GOLGA2: variants seen among roughly 807,000 people sequenced by gnomAD.
GOLGA2 encodes the protein golgin subfamily A member 2.
A neutral mutation model predicts 148.8 loss-of-function variants in GOLGA2; 49 were observed. That is an observed-to-expected ratio of 0.33 (90% CI 0.26 to 0.42). GOLGA2 has a LOEUF of 0.42. GOLGA2 is among the 10% of genes least tolerant of loss of function. The pLI is 1.00. For synonymous variants in GOLGA2, 501 were observed against 511.8 expected (o/e 0.98, Z 0.28); for missense variants, 1,178 against 1,304.6 (o/e 0.90, Z 1.49).
rs777455188 is a variant in GOLGA2 at position 128,258,038 on chromosome 9, C to A, written c.2450G>T (p.Gly817Val). Residue 817 changes from glycine (G) to valine (V), a missense_variant, in exon 23 of 27, where the codon GGT (glycine) becomes GTT (valine). Around this residue, in one of 5 missense-constraint regions of GOLGA2, gnomAD observed 529 missense variants for 521.8 expected, o/e 1.01. Transcript: ENST00000611957. This position sits in a 1 kb window ranked among gnomAD's most constrained non-coding sequence, Gnocchi z 6.6. ...EAAAPAPGTG[G>V]DSVCGETHRA... ...GTGGGTCTCCCCACACACAGAATCA[C>A]CCCCGGTCCCTGGGGCTGGGGCTGC... 6.2e-7 allele frequency: 1 copy of A among 1,611,870 alleles called. No individual in the cohort carries two copies. Among genetic ancestry groups the A allele is most frequent in the Non-Finnish European group, 8.5e-7 (1 of 1,179,524 alleles).
At position 128,261,684 on chromosome 9, in the gene GOLGA2, T is replaced by C. The variant is rs752082833; in HGVS notation, c.1208A>G (p.Glu403Gly). ...AAGCCTCACCTGCCCCAGGTGTGCT[T>C]CCAGCTGTGCCCGCTCCTCCATGGC... The part of the protein sequence containing the change: ...QQAMEERAQL[E>G]AHLGQVMESV... Residue 403 changes from glutamate to glycine, a missense_variant, in exon 15 of 27, where the codon GAA (glutamate) becomes GGA (glycine). By Grantham distance (98) the Glu-to-Gly change is moderately conservative (BLOSUM62 -2). Around this residue, in one of 5 missense-constraint regions of GOLGA2, gnomAD observed 304 missense variants for 404.1 expected, o/e 0.75. Coordinates refer to ENST00000611957, the MANE Select transcript of GOLGA2 (RefSeq NM_001366244.2). The surrounding 1 kb of genome is among the most constrained non-coding windows in gnomAD (Gnocchi z 5.7). 3.4e-5 allele frequency: 54 copies of C among 1,611,488 alleles called. 3 individuals carry two copies. The Admixed American group carries it at 8.8e-4, about 26-fold the overall frequency.
chr9:128,264,121 T>C lies in GOLGA2; in HGVS notation c.934-1029A>G, dbSNP rs373965491. Reference sequence around the variant, plus strand: ...CAGAGCTTGCAGTGAGCCGAGATGGTGCCACTGCACTCCAGCCTGGGCAAC... The same window carrying C: ...CAGAGCTTGCAGTGAGCCGAGATGGCGCCACTGCACTCCAGCCTGGGCAAC... On this transcript the variant is annotated intron_variant, in intron 12 of 26. Transcript: ENST00000611957. 1.3e-4 allele frequency among the ~76,000 whole-genome samples: 19 copies of C among 149,600 alleles called. No homozygotes were observed. The South Asian group carries it at 3.7e-3, about 29-fold the overall frequency.
intron 10 of GOLGA2, 28 bp downstream of exon 10, chr9:128,265,942 A>C (rs565550985): frequency 3.5e-5 from 57 of 1,608,402 alleles, no homozygotes; most frequent in Middle Eastern, 3.3e-4. Flanking sequence ...TCCAGAGGAC[A>C]GGACGGAACT....
At position 128,267,822 on chromosome 9, in the gene GOLGA2, C is replaced by A. The variant is rs1312189946; in HGVS notation, c.501+112G>T. ...GAAAAGGCGACTTCCTTAACATTGC[C>A]CAGCACATTGGCTGGTCCCAGGATC... On this transcript the variant is annotated intron_variant, in intron 6 of 26. Coordinates refer to ENST00000611957, the MANE Select transcript of GOLGA2 (RefSeq NM_001366244.2). 5.7e-6 allele frequency: 5 copies of A among 877,900 alleles called. No homozygotes were observed. The Admixed American group carries it at 7.9e-5, about 14-fold the overall frequency. The allele number at this position is 877,900 out of a possible 1,614,324, so 54.4% of individuals were successfully genotyped here. A position where few individuals can be genotyped will look rare whatever the true frequency, so the allele number is the denominator to read the frequency against.
rs1830261197 is a variant in GOLGA2 at position 128,261,322 on chromosome 9, T to G, written c.1333-63A>C. 2 of 1,377,556 alleles carry G rather than the reference T, an allele frequency of 1.5e-6. No homozygotes were observed. The highest frequency in any genetic ancestry group is 2.1e-6 in the Non-Finnish European group (2 of 965,416). The allele number at this position is 1,377,556 out of a possible 1,614,324, so 85.3% of individuals were successfully genotyped here. ...GCTGGTGGCTGGACAGGCTACCATC[T>G]CCCTCTGCCCCCACCGCCACAAAGC... On this transcript the variant is annotated intron_variant, in intron 16 of 26. Coordinates refer to ENST00000611957, the MANE Select transcript of GOLGA2 (RefSeq NM_001366244.2). The surrounding 1 kb of genome is among the most constrained non-coding windows in gnomAD (Gnocchi z 5.7).
chr9:128,270,221 C>T (rs1185524657), intron 3 of GOLGA2, among the ~76,000 whole-genome samples: 1 of 151,250 alleles, frequency 6.6e-6, no homozygotes, highest in Non-Finnish European at 1.5e-5. Context: ...GCAACCTCCG[C>T]CTCCTGAGTT....
chr9:128,258,540 T>TCCC lies in GOLGA2; in HGVS notation c.2203_2204insGGG (p.Glu734_Asp735insGly). ...CGCCTCCTCCTCCTCCTCCTCCTCA[T>TCCC]CCTCCTCCTCCTCCCGGTCCAGTCC... On this transcript the variant is annotated inframe_insertion, in exon 22 of 27. Transcript: ENST00000611957. The surrounding 1 kb of genome is among the most constrained non-coding windows in gnomAD (Gnocchi z 6.6). 1 of 1,525,394 alleles carries TCCC rather than the reference T, an allele frequency of 6.6e-7. No individual in the cohort carries two copies. Among genetic ancestry groups the TCCC allele is most frequent in the Non-Finnish European group, 8.8e-7 (1 of 1,131,070 alleles). 94.5% of individuals were successfully genotyped at this position (1,525,394 alleles called of 1,614,324 possible). A position where few individuals can be genotyped will look rare whatever the true frequency, so the allele number is the denominator to read the frequency against.
chr9:128,262,789 A>G (rs1326552053), intron 13 of GOLGA2, 85 bp from the exon 14 acceptor site: 6 of 1,300,302 alleles, frequency 4.6e-6, no homozygotes, highest in African/African-American at 2.9e-5. Flanking sequence ...TTGCCCCACA[A>G]CCACAGAACT....
At chr9:128,268,325 G>A in intron 4 of GOLGA2, 95 bp downstream of exon 4, 1 of 1,018,012 alleles carries the variant, frequency 9.8e-7, no homozygotes, top group Non-Finnish European at 1.6e-6. Context: ...CCCAGGAAGG[G>A]CCCTTGACCC....
intron 1 of GOLGA2, chr9:128,275,317 C>T: frequency 1.0e-6 from 1 of 962,660 alleles, no homozygotes; most frequent in Non-Finnish European, 1.4e-6. Flanking sequence ...TGGTCTCGCG[C>T]AACTAATTAC....
intron 12 of GOLGA2, among the ~76,000 whole-genome samples, chr9:128,263,873 G>A (rs988022547): frequency 1.3e-5 from 2 of 151,518 alleles, no homozygotes; most frequent in Non-Finnish European, 2.9e-5. Flanking sequence ...CTTGGTAAGG[G>A]TGGCCGGGTG....
rs2131343489 is a variant in GOLGA2 at position 128,260,779 on chromosome 9, G to C, written c.1444C>G (p.Pro482Ala). Residue 482 changes from proline (P) to alanine (A), a missense_variant, in exon 18 of 27, where the codon CCA becomes GCA. By Grantham distance (27) the Pro-to-Ala change is conservative (BLOSUM62 -1). Transcript: ENST00000611957. This position sits in a 1 kb window ranked among gnomAD's most constrained non-coding sequence, Gnocchi z 4.8. ...QMAEPPPPEP[P>A]AGPSEVEQQL... Reference sequence around the variant, plus strand: ...TGCTCCACCTCGGAGGGCCCTGCTGGGGGCTCTGGGGGCGGGGGTTCAGCT... The same window carrying C: ...TGCTCCACCTCGGAGGGCCCTGCTGCGGGCTCTGGGGGCGGGGGTTCAGCT... 1 of 1,608,660 alleles carries C rather than the reference G, an allele frequency of 6.2e-7. No individual in the cohort carries two copies. The highest frequency in any genetic ancestry group is 2.2e-5 in the East Asian group (1 of 44,820).
chr9:128,271,776 C>T lies in GOLGA2; in HGVS notation c.288+1009G>A, dbSNP rs940420213. ...CTCCTTCAGAGGAGTCTGCCTCCCT[C>T]GGTGTGCAGCCTACCTTGTTCATCT... On this transcript the variant is annotated intron_variant, in intron 3 of 26. Coordinates refer to ENST00000611957, the MANE Select transcript of GOLGA2 (RefSeq NM_001366244.2). This position sits in a 1 kb window ranked among gnomAD's most constrained non-coding sequence, Gnocchi z 4.4. 1.3e-5 allele frequency among the ~76,000 whole-genome samples: 2 copies of T among 152,316 alleles called. No homozygotes were observed. The highest frequency in any genetic ancestry group is 2.9e-5 in the Non-Finnish European group (2 of 68,030).
chr9:128,266,064 G>T lies in GOLGA2; in HGVS notation c.682-44C>A. The T allele has an allele frequency of 6.5e-7, 1 of 1,538,040 alleles. No homozygotes were observed. The highest frequency in any genetic ancestry group is 9.0e-7 in the Non-Finnish European group (1 of 1,110,724). On this transcript the variant is annotated intron_variant, in intron 9 of 26. Transcript: ENST00000611957. The surrounding 1 kb of genome is among the most constrained non-coding windows in gnomAD (Gnocchi z 4.2). The stretch of plus-strand genomic sequence containing the variant: ...AGAGCTCTTACGAGGGGGAGGCAGA[G>T]ACGGCACAGCAAGGGACATGCCCCC...
In GOLGA2 at chr9:128,268,136, TAGGGACATTGTC is replaced by T; in HGVS notation, c.406_417del (p.Asp136_Pro139del). On this transcript the variant is annotated inframe_deletion, in exon 5 of 27. Coordinates refer to ENST00000611957, the MANE Select transcript of GOLGA2 (RefSeq NM_001366244.2). ...ACTCACTTGGTTTCATCCATGAGAT[TAGGGACATTGTC>T]AGCATCATGATTCTGTTTGGGAAGA... The T allele has an allele frequency of 1.2e-6, 2 of 1,613,610 alleles. No homozygotes were observed. Among genetic ancestry groups the T allele is most frequent in the Non-Finnish European group, 8.5e-7 (1 of 1,179,536 alleles).
In GOLGA2 at chr9:128,259,217, G is replaced by T; in HGVS notation, c.2047C>A (p.Gln683Lys). The change falls in exon 20 of 27, where the codon CAG becomes AAG. Residue 683 changes from glutamine (Q) to lysine (K), a missense_variant. By Grantham distance (53) the Gln-to-Lys change is moderately conservative. Around this residue, in one of 5 missense-constraint regions of GOLGA2, gnomAD observed 529 missense variants for 521.8 expected, o/e 1.01. Transcript: ENST00000611957. Reference sequence around the variant, plus strand: ...GCCATCTCGGCCACCGCTTTGCCCTGAGCTTCCTGCTGCTGCAGCTGGTCC... The same window carrying T: ...GCCATCTCGGCCACCGCTTTGCCCTTAGCTTCCTGCTGCTGCAGCTGGTCC... The part of the protein sequence containing the change: ...LVDQLQQQEA[Q>K]GKAVAEMARQ... 1 of 1,591,194 alleles carries T rather than the reference G, an allele frequency of 6.3e-7. No individual in the cohort carries two copies. The highest frequency in any genetic ancestry group is 8.6e-7 in the Non-Finnish European group (1 of 1,169,218).
intron 3 of GOLGA2, 54 bp downstream of exon 3, chr9:128,272,731 G>C (rs954503899): frequency 3.3e-5 from 18 of 542,922 alleles, no homozygotes; most frequent in Non-Finnish European, 4.6e-5. Flanking sequence ...GAAGCCTCAG[G>C]GGCATGCACA....
At chr9:128,262,115 G>A (rs1400796733) in intron 14 of GOLGA2, 1 of 271,080 alleles carries the variant, frequency 3.7e-6, no homozygotes, top group African/African-American at 2.2e-5. Context: ...GCAGGAGGAT[G>A]GCTTGAGCCT....
Position 128,275,956 on chromosome 9 carries a change from G to C in GOLGA2, c.21C>G (p.Leu7=), listed in dbSNP as rs761322901. ...CTTCCGACATCGCGGGGCGGGGAGG[G>C]AGGCGGGGTTGGGGCCACATCAGCG... The part of the protein sequence containing the change: MWPQPR[L]PPRPAMSEET... Residue 7 remains leucine, a synonymous_variant, in exon 1 of 27, where the codon CTC becomes CTG. Transcript: ENST00000611957. The C allele has an allele frequency of 8.1e-6, 13 of 1,595,796 alleles. No homozygotes were observed. In the South Asian group the frequency reaches 1.4e-4, roughly 18 times the overall value.
Sources: allele counts gnomAD v4.1 joint callset (sites outside exome capture counted in the v4.1 genomes callset), GRCh38; gene constraint gnomAD v4.1.1; regional missense constraint gnomAD v4.1.1; non-coding constraint Gnocchi (gnomAD v3.1); transcripts MANE v1.5; gene names NCBI Gene and HGNC (gene_info 2026-07-23, HGNC 2026-07-21).